The following SUGCT variants were observed in gnomAD, a reference collection of about 807,000 sequenced individuals.
SUGCT encodes the protein succinyl-CoA:glutarate CoA-transferase.
SUGCT carries 41 observed loss-of-function variants against 55.0 expected under a neutral mutation model. That is an observed-to-expected ratio of 0.74 (90% CI 0.58 to 0.97). The LOEUF is 0.97. SUGCT is among the 50% of genes least tolerant of loss of function. The pLI, the probability that SUGCT is intolerant of heterozygous loss-of-function variation, is 0.00. For synonymous variants in SUGCT, 187 were observed against 200.4 expected, an observed-to-expected ratio of 0.93 and a Z score of 0.56; for missense variants, 568 against 547.8, an observed-to-expected ratio of 1.04 and a Z score of -0.37.
At chr7:40,268,611 A>C (rs2150982676) in intron 7 of SUGCT, among the ~76,000 whole-genome samples, 1 of 152,004 alleles carries the variant, frequency 6.6e-6, no homozygotes, top group East Asian at 1.9e-4. Flanking sequence ...ATTTGTGTCT[A>C]AGCTTTTTGT....
At chr7:41,008,743 C>T in the SUGCT span, among the ~76,000 whole-genome samples, 1 of 152,110 alleles carries the variant, frequency 6.6e-6, no homozygotes, top group East Asian at 2.0e-4. Context: ...TGCTGGAGGG[C>T]AAATGCGCCC....
intron 13 of SUGCT, among the ~76,000 whole-genome samples, chr7:40,790,903 CAAAG>C (rs1790276617): frequency 6.6e-6 from 1 of 152,112 alleles, no homozygotes; most frequent in Non-Finnish European, 1.5e-5. Context: ...ATTTTCTAGT[CAAAG>C]AATATTGCAA....
chr7:40,952,149 C>T, the SUGCT span, among the ~76,000 whole-genome samples: 2 of 152,110 alleles, frequency 1.3e-5, no homozygotes, highest in Non-Finnish European at 2.9e-5. Context: ...GTATTGGGTG[C>T]ATATATATTT....
the SUGCT span, among the ~76,000 whole-genome samples, chr7:40,953,504 T>C: frequency 6.6e-6 from 1 of 152,260 alleles, no homozygotes; most frequent in Non-Finnish European, 1.5e-5. Context: ...AGGAACTGCG[T>C]TCCTTTGGAG....
the SUGCT span, among the ~76,000 whole-genome samples, chr7:40,898,888 A>G: frequency 3.9e-5 from 6 of 152,132 alleles, no homozygotes; most frequent in East Asian, 1.2e-3. Flanking sequence ...GGGACAGTCA[A>G]AACTTCCTAG....
intron 12 of SUGCT, among the ~76,000 whole-genome samples, chr7:40,674,993 A>G (rs1347086043): frequency 6.6e-6 from 1 of 151,982 alleles, no homozygotes; most frequent in Non-Finnish European, 1.5e-5. Flanking sequence ...GTATGACTCT[A>G]GAGTTGAAAA....
At chr7:40,254,785 T>C (rs890013218) in intron 7 of SUGCT, among the ~76,000 whole-genome samples, 3 of 152,048 alleles carry the variant, frequency 2.0e-5, no homozygotes, top group African/African-American at 7.2e-5. Flanking sequence ...ATCATTCAAA[T>C]GCCTTTTAAA....
intron 1 of SUGCT, among the ~76,000 whole-genome samples, chr7:40,178,353 G>T (rs1469016776): frequency 2.6e-5 from 4 of 152,052 alleles, no homozygotes; most frequent in Non-Finnish European, 5.9e-5. Context: ...GGGGAGGAAT[G>T]ATTTTCTTAT....
At chr7:40,397,127 C>T (rs538975254) in intron 9 of SUGCT, among the ~76,000 whole-genome samples, 1 of 152,278 alleles carries the variant, frequency 6.6e-6, no homozygotes, top group South Asian at 2.1e-4. Context: ...GCAGAGTGGT[C>T]CTTTCCAGCG....
At chr7:40,719,821 CAG>C (rs1461762222) in intron 12 of SUGCT, among the ~76,000 whole-genome samples, 2 of 152,126 alleles carry the variant, frequency 1.3e-5, no homozygotes, top group Non-Finnish European at 1.5e-5. Context: ...GTTTTTGAGA[CAG>C]AGTCTCACTG....
At chr7:40,361,998 G>C (rs894459143) in intron 9 of SUGCT, among the ~76,000 whole-genome samples, 1 of 151,886 alleles carries the variant, frequency 6.6e-6, no homozygotes, top group Non-Finnish European at 1.5e-5. Flanking sequence ...AATGTGAGGG[G>C]ATCACAATAT....
intron 11 of SUGCT, among the ~76,000 whole-genome samples, chr7:40,476,575 A>G (rs1347351091): frequency 6.6e-6 from 1 of 151,958 alleles, no homozygotes; most frequent in Non-Finnish European, 1.5e-5. Context: ...GGTATCAAGT[A>G]TTTTGTGTAC....
At chr7:40,817,433 A>C (rs1278674742) in intron 13 of SUGCT, among the ~76,000 whole-genome samples, 1 of 152,206 alleles carries the variant, frequency 6.6e-6, no homozygotes, top group Non-Finnish European at 1.5e-5. Flanking sequence ...TACTGGAGAG[A>C]AGTTAAATCA....
the SUGCT span, among the ~76,000 whole-genome samples, chr7:40,885,085 T>A: frequency 3.3e-5 from 5 of 152,148 alleles, no homozygotes; most frequent in African/African-American, 1.2e-4. Context: ...TGCCAAATAA[T>A]TCAATGACAC....
At chr7:40,566,556 T>C (rs1363263333) in intron 12 of SUGCT, among the ~76,000 whole-genome samples, 1 of 152,234 alleles carries the variant, frequency 6.6e-6, no homozygotes, top group African/African-American at 2.4e-5. Context: ...TCCATCAACT[T>C]CAGTTCTTCT....
At chr7:40,847,254 T>TACTC (rs10676694) in intron 13 of SUGCT, among the ~76,000 whole-genome samples, 52,475 of 151,376 alleles carry the variant, frequency 0.35, 9,887 homozygotes, top group East Asian at 0.82. Flanking sequence ...ATGTATTTCT[T>TACTC]ACACTACCTG....
chr7:40,331,324 G>T (rs1440848532), intron 9 of SUGCT, among the ~76,000 whole-genome samples: 1 of 151,414 alleles, frequency 6.6e-6, no homozygotes, highest in Non-Finnish European at 1.5e-5. Context: ...CTTTTCACTT[G>T]TTGCTGCTGA....
chr7:40,737,538 C>T (rs1787226190), intron 12 of SUGCT, among the ~76,000 whole-genome samples: 1 of 151,948 alleles, frequency 6.6e-6, no homozygotes, highest in Non-Finnish European at 1.5e-5. Context: ...CTACTTAATA[C>T]ACAAAACAGT....
At chr7:40,646,448 C>T (rs971609177) in intron 12 of SUGCT, among the ~76,000 whole-genome samples, 4 of 152,170 alleles carry the variant, frequency 2.6e-5, no homozygotes, top group Non-Finnish European at 5.9e-5. Flanking sequence ...TCAAAATGCA[C>T]TTCTTCCTGT....
Sources: allele counts gnomAD v4.1 joint callset (sites outside exome capture counted in the v4.1 genomes callset), GRCh38; gene constraint gnomAD v4.1.1; transcripts MANE v1.5; gene names NCBI Gene and HGNC (gene_info 2026-07-23, HGNC 2026-07-21).